The following SUPV3L1 variants were observed in gnomAD, a reference collection of about 807,000 sequenced individuals.
SUPV3L1 encodes ATP-dependent RNA helicase SUPV3L1, mitochondrial.
Under a neutral mutation model 70.0 loss-of-function variants are expected in SUPV3L1, and 35 were observed. The observed-to-expected ratio is 0.50, with a 90% CI of 0.38 to 0.66. SUPV3L1 has a LOEUF of 0.66. Ranked by LOEUF, SUPV3L1 falls within the 30% of genes least tolerant of loss-of-function variation. The pLI is 0.00. For synonymous variants in SUPV3L1, 364 were observed against 341.9 expected (o/e 1.06, Z -0.71); for missense variants, 777 against 961.5 (o/e 0.81, Z 2.54).
At chr10:69,182,906 C>T (rs561194286) in intron 1 of SUPV3L1, among the ~76,000 whole-genome samples, 10 of 152,196 alleles carry the variant, frequency 6.6e-5, no homozygotes, top group Non-Finnish European at 1.3e-4. Flanking sequence ...ACCTTGCTGC[C>T]TTATTCTGTG....
In SUPV3L1 at chr10:69,189,522, G is replaced by C. The variant is rs926718761; in HGVS notation, c.741+87G>C. 5.4e-5 allele frequency: 73 copies of C among 1,351,032 alleles called. No individual in the cohort carries two copies. In the African/African-American group the frequency reaches 1.0e-3, roughly 19 times the overall value. 83.7% of individuals were successfully genotyped at this position (1,351,032 alleles called of 1,614,324 possible). On this transcript the variant is annotated intron_variant, in intron 5 of 14. Transcript: ENST00000359655. Reference sequence around the variant, plus strand: ...GAAAAGATGTTTGTAGTAATTTACTGTTAACAAGAAATTACCATATTTCAT... The same window carrying C: ...GAAAAGATGTTTGTAGTAATTTACTCTTAACAAGAAATTACCATATTTCAT...
intron 4 of SUPV3L1, 41 bp downstream of exon 4, chr10:69,187,797 A>G (rs1269983286): frequency 3.8e-6 from 5 of 1,317,512 alleles, no homozygotes; most frequent in Non-Finnish European, 5.3e-6. Flanking sequence ...TTCAGTTTCT[A>G]ATCTTGGATG....
Position 69,186,001 on chromosome 10 carries a change from G to A in SUPV3L1, c.286G>A (p.Val96Ile), listed in dbSNP as rs767396606. 1.9e-6 allele frequency: 3 copies of A among 1,613,138 alleles called. No individual in the cohort carries two copies. Among genetic ancestry groups the A allele is most frequent in the Admixed American group, 1.7e-5 (1 of 59,884 alleles). ...RPLDKNEVKKVLDKFYKRKEI... is the reference protein window; with the variant it reads ...RPLDKNEVKKILDKFYKRKEI... Reference sequence around the variant, plus strand: ...CTCTCTTCTAGATGAAGTAAAGAAGGTCTTAGACAAATTTTACAAGAGGAA... The same window carrying A: ...CTCTCTTCTAGATGAAGTAAAGAAGATCTTAGACAAATTTTACAAGAGGAA... The change falls in exon 2 of 15, where the codon GTC becomes ATC. Residue 96 changes from valine to isoleucine, a missense_variant. Val to Ile is a conservative substitution (Grantham distance 29). This residue lies in a region of SUPV3L1 where 158 missense variants were observed against 138.3 expected (regional missense o/e 1.14). Transcript: ENST00000359655.
At chr10:69,187,615 A>G (rs1212295967) in intron 3 of SUPV3L1, 27 bp from the exon 4 acceptor site, 11 of 1,463,114 alleles carry the variant, frequency 7.5e-6, no homozygotes, top group Non-Finnish European at 1.0e-5. Flanking sequence ...TAGATTGCAC[A>G]TGTTAATACA....
intron 4 of SUPV3L1, among the ~76,000 whole-genome samples, chr10:69,188,000 G>T (rs1842279885): frequency 6.6e-6 from 1 of 152,158 alleles, no homozygotes; most frequent in African/African-American, 2.4e-5. Context: ...ACTTAAGGAT[G>T]TTGTCCTTAA....
Position 69,202,362 on chromosome 10 carries a change from G to A in SUPV3L1, c.1519-77G>A, listed in dbSNP as rs369804277. 335 of 1,282,038 alleles carry A rather than the reference G, an allele frequency of 2.6e-4. 4 individuals carry two copies. In the South Asian group the frequency reaches 3.2e-3, roughly 12 times the overall value. The allele number at this position is 1,282,038 out of a possible 1,614,324, so 79.4% of individuals were successfully genotyped here. A position where few individuals can be genotyped will look rare whatever the true frequency, so the allele number is the denominator to read the frequency against. On this transcript the variant is annotated intron_variant, in intron 11 of 14. Coordinates refer to ENST00000359655, the MANE Select transcript of SUPV3L1 (RefSeq NM_003171.5). ...AGCTTAGCCTGAATGGGACTTTATC[G>A]TGCAATAACTTAAGAAAATTTGTCC...
intron 1 of SUPV3L1, among the ~76,000 whole-genome samples, chr10:69,184,889 TCTC>T (rs1386180280): frequency 1.3e-5 from 2 of 152,206 alleles, no homozygotes; most frequent in African/African-American, 2.4e-5. Context: ...CATTGTGGCT[TCTC>T]CTCCTAGAAA....
At chr10:69,185,690 C>T (rs953311965) in intron 1 of SUPV3L1, among the ~76,000 whole-genome samples, 5 of 151,794 alleles carry the variant, frequency 3.3e-5, no homozygotes, top group Non-Finnish European at 7.4e-5. Flanking sequence ...TTAGTAGAGA[C>T]GGGGTTTCAC....
chr10:69,208,706 A>G lies in SUPV3L1; in HGVS notation c.2032A>G (p.Lys678Glu). The G allele has an allele frequency of 6.2e-7, 1 of 1,614,242 alleles. No homozygotes were observed. The highest frequency in any genetic ancestry group is 8.5e-7 in the Non-Finnish European group (1 of 1,180,054). Reference sequence around the variant, plus strand: ...TGTGCACAATATCACTAAATTGATTAAAATGTCTGAGACGCATAAGCTGTT... The same window carrying G: ...TGTGCACAATATCACTAAATTGATTGAAATGTCTGAGACGCATAAGCTGTT... ...DGVHNITKLI[K>E]MSETHKLLNL... The change falls in exon 15 of 15, where the codon AAA (lysine) becomes GAA (glutamate). Residue 678 changes from lysine to glutamate, a missense_variant. Lys to Glu is a moderately conservative substitution (Grantham distance 56). This residue lies in a region of SUPV3L1 where 619 missense variants were observed against 823.3 expected (regional missense o/e 0.75). Transcript: ENST00000359655.
chr10:69,202,477 G>C lies in SUPV3L1; in HGVS notation c.1557G>C (p.Met519Ile). ...GLHPTAEQIE[M>I]FAYHLPDATL... ...ATCCAACTGCTGAGCAGATTGAAAT[G>C]TTTGCCTACCATCTCCCTGATGCAA... Residue 519 changes from methionine (M) to isoleucine (I), a missense_variant, in exon 12 of 15, where the codon ATG becomes ATC. Coordinates refer to ENST00000359655, the MANE Select transcript of SUPV3L1 (RefSeq NM_003171.5). The C allele has an allele frequency of 1.2e-6, 2 of 1,613,374 alleles. No individual in the cohort carries two copies. The highest frequency in any genetic ancestry group is 1.7e-6 in the Non-Finnish European group (2 of 1,179,604).
At chr10:69,205,350 G>A (rs1564714110) in intron 13 of SUPV3L1, among the ~76,000 whole-genome samples, 1 of 151,870 alleles carries the variant, frequency 6.6e-6, no homozygotes, top group Non-Finnish European at 1.5e-5. Flanking sequence ...CTAAGGTGTA[G>A]GGAGTCTCTG....
At chr10:69,204,777 C>CT (rs71035076) in intron 13 of SUPV3L1, among the ~76,000 whole-genome samples, 26,677 of 144,734 alleles carry the variant, frequency 0.18, 2,669 homozygotes, top group Non-Finnish European at 0.24. Context: ...AAAAAATTAT[C>CT]TTTTTTTTTT....
rs370504359 is a variant in SUPV3L1, at chr10:69,189,284, C to T, written c.590C>T (p.Ala197Val). ...IPPNWYPDAR[A>V]MQRKIIFHSG... ...TGTTTTAGGTACCCAGATGCTAGAG[C>T]CATGCAGCGGAAGATAATATTTCAT... Residue 197 changes from alanine (A) to valine (V), a missense_variant, in exon 5 of 15, where the codon GCC becomes GTC. By Grantham distance (64) the Ala-to-Val change is moderately conservative (BLOSUM62 0). Transcript: ENST00000359655. 2.0e-5 allele frequency: 32 copies of T among 1,613,254 alleles called. No homozygotes were observed. Among genetic ancestry groups the T allele is most frequent in the Non-Finnish European group, 2.5e-5 (30 of 1,179,732 alleles).
At chr10:69,188,503 T>TTTTGTTTG (rs10626418) in intron 4 of SUPV3L1, among the ~76,000 whole-genome samples, 112,460 of 151,028 alleles carry the variant, frequency 0.74, 44,382 homozygotes, top group Non-Finnish European at 0.89. Context: ...ACTTGATTTT[T>TTTTGTTTG]TTTGTTTGTT....
At position 69,199,889 on chromosome 10, in the gene SUPV3L1, C is replaced by A. The variant is rs188152528; in HGVS notation, c.1299-391C>A. Among the ~76,000 whole-genome samples, 9 of 152,208 alleles carry A rather than the reference C, an allele frequency of 5.9e-5. No homozygotes were observed. The South Asian group carries it at 1.5e-3, about 25-fold the overall frequency. ...AGACAGAGTCTCACTCTGTGCCCCA[C>A]GCCGGAGTACAGTGGTGTGATCATG... On this transcript the variant is annotated intron_variant, in intron 10 of 14. Transcript: ENST00000359655.
chr10:69,206,292 T>A (rs1184228422), intron 13 of SUPV3L1, among the ~76,000 whole-genome samples: 1 of 152,188 alleles, frequency 6.6e-6, no homozygotes, highest in Non-Finnish European at 1.5e-5. Context: ...TGTGGCATTA[T>A]TTAACTACAA....
chr10:69,198,611 T>A, intron 9 of SUPV3L1, 59 bp downstream of exon 9: 1 of 1,517,168 alleles, frequency 6.6e-7, no homozygotes, highest in South Asian at 1.2e-5. Context: ...CAATTTATGT[T>A]GAGATATATA....
At chr10:69,191,545 A>T in intron 5 of SUPV3L1, 110 bp from the exon 6 acceptor site, 2 of 883,968 alleles carry the variant, frequency 2.3e-6, no homozygotes, top group Non-Finnish European at 3.6e-6. Context: ...ATTATGTTTT[A>T]ACTGTGAAAC....
At chr10:69,186,350 A>AG in intron 2 of SUPV3L1, 93 bp from the exon 3 acceptor site, 1 of 962,828 alleles carries the variant, frequency 1.0e-6, no homozygotes, top group Non-Finnish European at 1.6e-6. Flanking sequence ...AAAAAGAAAA[A>AG]AAAAGACTCT....
Sources: allele counts gnomAD v4.1 joint callset (sites outside exome capture counted in the v4.1 genomes callset), GRCh38; gene constraint gnomAD v4.1.1; regional missense constraint gnomAD v4.1.1; transcripts MANE v1.5; gene names NCBI Gene and HGNC (gene_info 2026-07-23, HGNC 2026-07-21).